CEP112: variants seen among roughly 807,000 people sequenced by gnomAD.
CEP112 encodes the protein centrosomal protein 112.
A neutral mutation model predicts 153.0 loss-of-function variants in CEP112; 127 were observed. That is an observed-to-expected ratio of 0.83 (90% CI 0.72 to 0.96). The LOEUF (loss-of-function observed/expected upper bound fraction) is 0.96, where lower values mean the gene tolerates loss of function less well. CEP112 is among the 40% of genes least tolerant of loss of function. CEP112 has a pLI of 0.00. For missense variants in CEP112, 1,089 were observed against 1,101.2 expected (o/e 0.99, Z 0.16); for synonymous variants, 358 against 374.4 (o/e 0.96, Z 0.51).
At chr17:65,800,080 TACTA>T (rs1336522762) in intron 21 of CEP112, among the ~76,000 whole-genome samples, 7 of 152,188 alleles carry the variant, frequency 4.6e-5, no homozygotes, top group East Asian at 3.8e-4. Context: ...TTTTCAATAT[TACTA>T]ACTGCCTTTT....
chr17:66,111,753 G>A (rs2069059130), intron 6 of CEP112, among the ~76,000 whole-genome samples: 2 of 151,990 alleles, frequency 1.3e-5, no homozygotes, highest in African/African-American at 4.8e-5. Flanking sequence ...GGGAACTATT[G>A]GGTACTGGGC....
At chr17:65,663,971 G>T (rs889954337) in intron 24 of CEP112, among the ~76,000 whole-genome samples, 2 of 152,130 alleles carry the variant, frequency 1.3e-5, no homozygotes, top group African/African-American at 2.4e-5. Context: ...GCCTGAACCC[G>T]GGAGGCGGAG....
chr17:66,190,118 T>C (rs1187680059), intron 1 of CEP112, among the ~76,000 whole-genome samples: 1 of 151,866 alleles, frequency 6.6e-6, no homozygotes, highest in Non-Finnish European at 1.5e-5. Context: ...TCACCTGAGG[T>C]CAGGAGTTCG....
chr17:65,948,301 T>C (rs2061708144), intron 18 of CEP112, among the ~76,000 whole-genome samples: 1 of 151,768 alleles, frequency 6.6e-6, no homozygotes, highest in Admixed American at 6.6e-5. Context: ...AGAAAAGGAG[T>C]AGAATTTAAA....
At chr17:65,945,229 T>C (rs963581758) in intron 18 of CEP112, among the ~76,000 whole-genome samples, 3 of 151,942 alleles carry the variant, frequency 2.0e-5, no homozygotes, top group African/African-American at 7.2e-5. Context: ...TTCATTCACA[T>C]TGCTGTATAG....
chr17:65,866,216 A>G (rs1394429496), intron 20 of CEP112, among the ~76,000 whole-genome samples: 1 of 152,038 alleles, frequency 6.6e-6, no homozygotes, highest in African/African-American at 2.4e-5. Flanking sequence ...ACCCACTCCA[A>G]TCCTGGAGCA....
At chr17:66,153,300 G>A (rs2071285500) in intron 4 of CEP112, among the ~76,000 whole-genome samples, 1 of 151,798 alleles carries the variant, frequency 6.6e-6, no homozygotes, top group East Asian at 1.9e-4. Flanking sequence ...CCATTAACTG[G>A]TGAATGGATA....
intron 1 of CEP112, among the ~76,000 whole-genome samples, chr17:66,187,273 G>A (rs2072974191): frequency 6.6e-6 from 1 of 152,074 alleles, no homozygotes; most frequent in South Asian, 2.1e-4. Flanking sequence ...ATCACTTCCT[G>A]TTTAAAAATC....
intron 18 of CEP112, among the ~76,000 whole-genome samples, chr17:65,956,409 TACACACACAC>T (rs55652336): frequency 6.8e-6 from 1 of 146,618 alleles, no homozygotes; most frequent in African/African-American, 2.5e-5. Flanking sequence ...CATACATACA[TACACACACAC>T]ACACACACAC....
At chr17:66,017,723 G>A (rs2064830752) in intron 16 of CEP112, among the ~76,000 whole-genome samples, 1 of 152,024 alleles carries the variant, frequency 6.6e-6, no homozygotes, top group Admixed American at 6.6e-5. Flanking sequence ...TGTTTGTGCT[G>A]GGCGCAGTCG....
chr17:66,009,961 T>C (rs959012370), intron 16 of CEP112, among the ~76,000 whole-genome samples: 4 of 152,240 alleles, frequency 2.6e-5, no homozygotes, highest in African/African-American at 7.2e-5. Context: ...TTTGGTTCTA[T>C]ATGAATTGTA....
chr17:66,072,765 T>C (rs749899864), intron 8 of CEP112, among the ~76,000 whole-genome samples: 2 of 152,176 alleles, frequency 1.3e-5, no homozygotes. Context: ...ATCTCATCTC[T>C]GGAAACTCTT....
rs147020220 is a variant in CEP112, at chr17:66,053,752, G to C, written c.1202C>G (p.Ala401Gly). ...AAGACTCACTGTGGACTGTGTTTGC[G>C]CCATGTATTCACTCTCCATTTTATT... ...RLNKMESEYM[A>G]QTQSTNHMIK... The change falls in exon 12 of 27, where the codon GCG (alanine) becomes GGG (glycine). Residue 401 changes from alanine (A) to glycine (G), a missense_variant. Physicochemically the swap from Ala to Gly is moderately conservative, Grantham distance 60 (BLOSUM62 0). Coordinates refer to ENST00000535342, the MANE Select transcript of CEP112 (RefSeq NM_001199165.4). The C allele has an allele frequency of 1.2e-6, 2 of 1,612,594 alleles. No individual in the cohort carries two copies. Among genetic ancestry groups the C allele is most frequent in the Non-Finnish European group, 1.7e-6 (2 of 1,179,242 alleles).
intron 21 of CEP112, among the ~76,000 whole-genome samples, chr17:65,818,331 T>C (rs2056374436): frequency 6.6e-6 from 1 of 151,918 alleles, no homozygotes; most frequent in South Asian, 2.1e-4. Flanking sequence ...AAGCCCTCGT[T>C]GCAGAACACC....
At chr17:65,891,322 C>T (rs77457230) in intron 20 of CEP112, among the ~76,000 whole-genome samples, 2,523 of 152,190 alleles carry the variant, frequency 0.017, 79 homozygotes, top group African/African-American at 0.057. Flanking sequence ...ATGCTCAGTT[C>T]GCATCTCTGG....
chr17:65,728,320 A>G (rs1296065073), intron 23 of CEP112, among the ~76,000 whole-genome samples: 1 of 152,218 alleles, frequency 6.6e-6, no homozygotes, highest in East Asian at 1.9e-4. Context: ...TCAATTTTCT[A>G]TATTATGGTG....
intron 8 of CEP112, among the ~76,000 whole-genome samples, chr17:66,081,668 G>A (rs886218163): frequency 2.0e-5 from 3 of 150,262 alleles, no homozygotes; most frequent in Non-Finnish European, 4.4e-5. Flanking sequence ...TGTAATCCCA[G>A]CACTCCGGGA....
chr17:65,835,761 C>T (rs577860765), intron 21 of CEP112, among the ~76,000 whole-genome samples: 1 of 152,166 alleles, frequency 6.6e-6, no homozygotes, highest in South Asian at 2.1e-4. Flanking sequence ...TAACATGTAA[C>T]AAGAAAACAT....
intron 16 of CEP112, among the ~76,000 whole-genome samples, chr17:66,022,711 G>GAAAA (rs1555771642): frequency 8.7e-5 from 11 of 127,060 alleles, no homozygotes; most frequent in Non-Finnish European, 1.1e-4. Context: ...TCCGCCTCAA[G>GAAAA]AAAAAAAAAA....
Sources: allele counts gnomAD v4.1 joint callset (sites outside exome capture counted in the v4.1 genomes callset), GRCh38; gene constraint gnomAD v4.1.1; transcripts MANE v1.5; gene names NCBI Gene and HGNC (gene_info 2026-07-23, HGNC 2026-07-21).